Variants in COL24A1 observed in about 807,000 individuals in gnomAD.
COL24A1 encodes the protein collagen alpha-1(XXIV) chain.
In COL24A1, 224 loss-of-function variants were observed where a neutral mutation model predicts 253.9. The ratio of observed to expected loss-of-function variants is 0.88; its 90% CI spans 0.79 to 0.99. The LOEUF (loss-of-function observed/expected upper bound fraction) is 0.99, where lower values mean the gene tolerates loss of function less well. COL24A1 is among the 50% of genes least tolerant of loss of function. The probability of loss-of-function intolerance (pLI) is 0.00; values close to 1 mark genes in which losing one functional copy is unlikely to be tolerated. For missense variants in COL24A1, 2,131 were observed against 2,068.5 expected (o/e 1.03, Z -0.59); for synonymous variants, 685 against 673.7 (o/e 1.02, Z -0.26).
At chr1:85,808,018 C>T (rs1672156075) in intron 47 of COL24A1, among the ~76,000 whole-genome samples, 1 of 152,124 alleles carries the variant, frequency 6.6e-6, no homozygotes, top group Non-Finnish European at 1.5e-5. Flanking sequence ...TATTTTCTCC[C>T]CTCCAATCTC....
At chr1:86,027,722 C>T (rs1698176350) in intron 14 of COL24A1, among the ~76,000 whole-genome samples, 2 of 152,204 alleles carry the variant, frequency 1.3e-5, no homozygotes, top group Admixed American at 6.5e-5. Context: ...CACAGAGTCC[C>T]CACTAGGGCA....
At chr1:85,769,801 T>C (rs1279477558) in intron 53 of COL24A1, among the ~76,000 whole-genome samples, 1 of 152,298 alleles carries the variant, frequency 6.6e-6, no homozygotes, top group South Asian at 2.1e-4. Flanking sequence ...ATAGCATGAC[T>C]GGTACCACTA....
At position 85,868,445 on chromosome 1, in the gene COL24A1, G is replaced by A. The variant is rs1314350136; in HGVS notation, c.3300+74C>T. 7.0e-6 allele frequency: 7 copies of A among 1,004,630 alleles called. No homozygotes were observed. The East Asian group carries it at 1.7e-4, about 24-fold the overall frequency. The allele number at this position is 1,004,630 out of a possible 1,614,324, so 62.2% of individuals were successfully genotyped here. ...GATATATAAGGAGGTCAGAGTGTGT[G>A]TAGGTTTGTGCATGTGTACACATAC... On this transcript the variant is annotated intron_variant, in intron 37 of 59. Transcript: ENST00000370571.
chr1:85,766,937 T>C (rs1241329406), intron 53 of COL24A1, among the ~76,000 whole-genome samples: 2 of 151,972 alleles, frequency 1.3e-5, no homozygotes, highest in Admixed American at 6.6e-5. Flanking sequence ...ACCTCGTTTC[T>C]ACTAAAAATA....
At chr1:85,987,354 C>G (rs1693807075) in intron 20 of COL24A1, among the ~76,000 whole-genome samples, 3 of 151,644 alleles carry the variant, frequency 2.0e-5, no homozygotes, top group Admixed American at 2.0e-4. Flanking sequence ...AGTTTTTTCT[C>G]CTCATCTCTT....
rs1313409476 is a variant in COL24A1 at position 85,813,676 on chromosome 1, A to G, written c.3951+3112T>C. 5.4e-5 allele frequency among the ~76,000 whole-genome samples: 8 copies of G among 146,940 alleles called. No homozygotes were observed. In the South Asian group the frequency reaches 1.1e-3, roughly 20 times the overall value. ...CGCCATTCTCCTGCCTCAGCCTCCC[A>G]AGTAGCTGGGACGACAGGCGCCCGC... On this transcript the variant is annotated intron_variant, in intron 47 of 59. Transcript: ENST00000370571.
chr1:85,917,613 A>T (rs1272284174), intron 24 of COL24A1, among the ~76,000 whole-genome samples: 1 of 151,110 alleles, frequency 6.6e-6, no homozygotes, highest in Non-Finnish European at 1.5e-5. Flanking sequence ...ATTTTTTCCC[A>T]TTAAGATTTC....
chr1:85,921,892 C>T (rs1686546030), intron 24 of COL24A1, among the ~76,000 whole-genome samples: 1 of 152,158 alleles, frequency 6.6e-6, no homozygotes, highest in Non-Finnish European at 1.5e-5. Flanking sequence ...GATGTTGGAA[C>T]TCATCGCAAG....
chr1:86,053,495 G>T (rs1700462947), intron 10 of COL24A1, among the ~76,000 whole-genome samples: 1 of 152,038 alleles, frequency 6.6e-6, no homozygotes, highest in African/African-American at 2.4e-5. Context: ...CCACAGAGTT[G>T]AGGTCATTCT....
chr1:85,987,543 G>T, intron 20 of COL24A1, 58 bp downstream of exon 20: 1 of 1,401,450 alleles, frequency 7.1e-7, no homozygotes, highest in South Asian at 1.2e-5. Context: ...CATTTATTGA[G>T]AATCAGGAGC....
At chr1:85,906,074 T>A (rs949243450) in intron 28 of COL24A1, among the ~76,000 whole-genome samples, 1 of 151,828 alleles carries the variant, frequency 6.6e-6, no homozygotes, top group Admixed American at 6.6e-5. Flanking sequence ...ATTAGAGATG[T>A]GACCATAGAG....
chr1:85,784,423 T>C lies in COL24A1; in HGVS notation c.4060-57A>G, dbSNP rs1010182516. 7.4e-5 allele frequency: 100 copies of C among 1,345,188 alleles called. 1 individual carries two copies. Among genetic ancestry groups the C allele is most frequent in the Non-Finnish European group, 5.1e-5 (48 of 939,574 alleles). The allele number at this position is 1,345,188 out of a possible 1,614,324, so 83.3% of individuals were successfully genotyped here. On this transcript the variant is annotated intron_variant, in intron 48 of 59. Transcript: ENST00000370571. ...CATCAGAACATATAAACATATTGGC[T>C]TTTGAATGAAACCCAAATACAGGCC...
chr1:85,786,547 C>T, intron 47 of COL24A1, 86 bp from the exon 48 acceptor site: 2 of 1,183,504 alleles, frequency 1.7e-6, no homozygotes, highest in South Asian at 1.5e-5. Flanking sequence ...AAGAGTTGTG[C>T]CCCGAAAGGC....
In COL24A1 at chr1:85,777,430, A is replaced by G. The variant is rs533639280; in HGVS notation, c.4339-1721T>C. On this transcript the variant is annotated intron_variant, in intron 52 of 59. Coordinates refer to ENST00000370571, the MANE Select transcript of COL24A1 (RefSeq NM_152890.7). ...TTAAAATATTGGAATCATATTATAT[A>G]CTCTTCTATGCATCGCACTTAACAA... 3.9e-5 allele frequency among the ~76,000 whole-genome samples: 6 copies of G among 152,212 alleles called. No individual in the cohort carries two copies. The South Asian group carries it at 1.2e-3, about 32-fold the overall frequency.
intron 53 of COL24A1, among the ~76,000 whole-genome samples, chr1:85,765,226 T>C (rs1056774071): frequency 6.6e-6 from 1 of 152,176 alleles, no homozygotes; most frequent in Non-Finnish European, 1.5e-5. Context: ...TGTGAAGACA[T>C]ATTAACTTAG....
rs183816948 is a variant in COL24A1, at chr1:86,128,140, A to G, written c.122-1926T>C. 6.6e-5 allele frequency among the ~76,000 whole-genome samples: 10 copies of G among 152,148 alleles called. No homozygotes were observed. In the East Asian group the frequency reaches 1.9e-3, roughly 29 times the overall value. The stretch of plus-strand genomic sequence containing the variant: ...CATAATCAACAAAAAAATACCTTTG[A>G]CTTCTTATGTTTTATCATCATAATT... On this transcript the variant is annotated intron_variant, in intron 2 of 59. Coordinates refer to ENST00000370571, the MANE Select transcript of COL24A1 (RefSeq NM_152890.7).
chr1:86,061,379 G>C (rs1406976498), intron 8 of COL24A1, among the ~76,000 whole-genome samples: 1 of 151,984 alleles, frequency 6.6e-6, no homozygotes, highest in Non-Finnish European at 1.5e-5. Context: ...TTATTCTGTA[G>C]GCCACTATCT....
chr1:86,103,840 G>T (rs1704688538), intron 5 of COL24A1, among the ~76,000 whole-genome samples: 1 of 152,178 alleles, frequency 6.6e-6, no homozygotes, highest in South Asian at 2.1e-4. Context: ...CAACCTTGGA[G>T]AATCTGACGA....
intron 47 of COL24A1, among the ~76,000 whole-genome samples, chr1:85,792,325 G>A (rs891440918): frequency 1.3e-5 from 2 of 151,716 alleles, no homozygotes; most frequent in African/African-American, 4.8e-5. Context: ...AAGCTACCAT[G>A]GGAATCCCTT....
Sources: allele counts gnomAD v4.1 joint callset (sites outside exome capture counted in the v4.1 genomes callset), GRCh38; gene constraint gnomAD v4.1.1; transcripts MANE v1.5; gene names NCBI Gene and HGNC (gene_info 2026-07-23, HGNC 2026-07-21).